SASH1: variants seen among roughly 807,000 people sequenced by gnomAD.
The protein encoded by SASH1 is SAM and SH3 domain-containing protein 1.
SASH1 carries 44 observed loss-of-function variants against 125.2 expected under a neutral mutation model. The observed-to-expected ratio is 0.35, with a 90% confidence interval of 0.28 to 0.45. The LOEUF (loss-of-function observed/expected upper bound fraction) is 0.45. SASH1 is among the 20% of genes least tolerant of loss of function. The probability of loss-of-function intolerance (pLI) is 1.00; values close to 1 mark genes in which losing one functional copy is unlikely to be tolerated. For missense variants in SASH1, 1,426 were observed against 1,614.5 expected (o/e 0.88, Z 2.00); for synonymous variants, 639 against 649.1 (o/e 0.98, Z 0.24).
At chr6:148,522,149 G>A (rs1408944906) in intron 10 of SASH1, among the ~76,000 whole-genome samples, 1 of 152,170 alleles carries the variant, frequency 6.6e-6, no homozygotes, top group Non-Finnish European at 1.5e-5. Context: ...ATCAGTCTGA[G>A]GCTGAGTATT....
At chr6:148,311,193 G>A (rs1249840521) in intron 1 of SASH1, among the ~76,000 whole-genome samples, 2 of 151,050 alleles carry the variant, frequency 1.3e-5, no homozygotes, top group Non-Finnish European at 1.5e-5. Flanking sequence ...TGCAACATCT[G>A]CCTCCCAGGT....
intron 1 of SASH1, among the ~76,000 whole-genome samples, chr6:148,375,833 A>G (rs1014312980): frequency 6.6e-6 from 1 of 152,166 alleles, no homozygotes; most frequent in African/African-American, 2.4e-5. Context: ...GGATGAACGC[A>G]ACAGAGTTCC....
At chr6:148,423,744 A>C (rs1775679109) in intron 2 of SASH1, among the ~76,000 whole-genome samples, 1 of 152,174 alleles carries the variant, frequency 6.6e-6, no homozygotes, top group Non-Finnish European at 1.5e-5. Context: ...CAGCACGTCA[A>C]CTGAGTACAA....
chr6:148,288,596 A>C (rs1435334080), intron 1 of SASH1, among the ~76,000 whole-genome samples: 1 of 152,062 alleles, frequency 6.6e-6, no homozygotes, highest in Non-Finnish European at 1.5e-5. Flanking sequence ...TCCTGACTTC[A>C]AGAATATGTG....
the SASH1 span, among the ~76,000 whole-genome samples, chr6:148,220,557 T>C: frequency 1.3e-5 from 2 of 152,104 alleles, no homozygotes; most frequent in Non-Finnish European, 2.9e-5. Context: ...AACTAGTAGT[T>C]GTGGGAATAG....
chr6:148,337,827 T>C (rs1381624220), intron 1 of SASH1, among the ~76,000 whole-genome samples: 3 of 152,214 alleles, frequency 2.0e-5, no homozygotes, highest in Admixed American at 6.5e-5. Flanking sequence ...ATGAATGCAT[T>C]ATGGTGATAG....
At position 148,529,337 on chromosome 6, in the gene SASH1, G is replaced by A. The variant is rs1486972941; in HGVS notation, c.1428+1741G>A. 1.3e-5 allele frequency among the ~76,000 whole-genome samples: 2 copies of A among 152,212 alleles called. No individual in the cohort carries two copies. Among genetic ancestry groups the A allele is most frequent in the African/African-American group, 2.4e-5 (1 of 41,452 alleles). ...TGATCAGTGCTCAGGCTGAGAAACC[G>A]TGGCTTGTTAGACCTGCAGGAGATA... On this transcript the variant is annotated intron_variant, in intron 12 of 19. Transcript: ENST00000367467. This position sits in a 1 kb window ranked among gnomAD's most constrained non-coding sequence, Gnocchi z 4.2.
chr6:148,265,363 C>CGGAG, the SASH1 span, among the ~76,000 whole-genome samples: 3 of 126,908 alleles, frequency 2.4e-5, no homozygotes, highest in East Asian at 2.8e-4. Flanking sequence ...GAAGGAGGGA[C>CGGAG]GGAGGGAGGG....
chr6:148,420,239 G>C (rs1242841545), intron 2 of SASH1, among the ~76,000 whole-genome samples: 1 of 152,140 alleles, frequency 6.6e-6, no homozygotes, highest in Non-Finnish European at 1.5e-5. Flanking sequence ...GATCAAATCT[G>C]ACTCTGGGTC....
intron 1 of SASH1, among the ~76,000 whole-genome samples, chr6:148,380,462 A>T (rs1386452360): frequency 6.6e-6 from 1 of 152,234 alleles, no homozygotes; most frequent in Admixed American, 6.5e-5. Context: ...GAGAAAACCC[A>T]GTGTGATTCA....
intron 1 of SASH1, among the ~76,000 whole-genome samples, chr6:148,294,674 C>T (rs2493928): frequency 0.077 from 11,705 of 152,200 alleles, 584 homozygotes; most frequent in African/African-American, 0.15. Flanking sequence ...ACCTGATAAA[C>T]GGCAGTGTGG....
the SASH1 span, among the ~76,000 whole-genome samples, chr6:148,261,259 C>T: frequency 6.6e-6 from 1 of 152,194 alleles, no homozygotes; most frequent in Non-Finnish European, 1.5e-5. Context: ...ATCCAAACAG[C>T]CTCTCCTCAT....
Position 148,549,535 on chromosome 6 carries a change from C to CA in SASH1, c.*981dup. ...CTTGGAATCCTGACCATGTCCATCC[C>CA]AAAATTCAGTCCTCAGTTAACGGAT... On this transcript the variant is annotated 3_prime_UTR_variant, in exon 20 of 20. Transcript: ENST00000367467. 2.5e-6 allele frequency: 1 copy of CA among 398,770 alleles called. No homozygotes were observed. The highest frequency in any genetic ancestry group is 3.6e-5 in the East Asian group (1 of 28,076). 24.7% of individuals were successfully genotyped at this position (398,770 alleles called of 1,614,324 possible). A position where few individuals can be genotyped will look rare whatever the true frequency, so the allele number is the denominator to read the frequency against.
chr6:148,319,499 G>A (rs1381066164), intron 1 of SASH1, among the ~76,000 whole-genome samples: 7 of 151,834 alleles, frequency 4.6e-5, no homozygotes, highest in Admixed American at 4.6e-4. Context: ...ATATGTATAA[G>A]ATTTTTGTTT....
chr6:148,197,516 C>T, the SASH1 span, among the ~76,000 whole-genome samples: 7 of 152,216 alleles, frequency 4.6e-5, no homozygotes, highest in Admixed American at 4.6e-4. Flanking sequence ...CAGTCCCCAT[C>T]CTGAGAGTTC....
the SASH1 span, among the ~76,000 whole-genome samples, chr6:148,250,264 C>T: frequency 6.6e-6 from 1 of 152,154 alleles, no homozygotes; most frequent in Non-Finnish European, 1.5e-5. Flanking sequence ...CGGAAGCATT[C>T]ATCTTTTCCT....
At chr6:148,262,833 A>C in the SASH1 span, among the ~76,000 whole-genome samples, 1 of 152,218 alleles carries the variant, frequency 6.6e-6, no homozygotes, top group Non-Finnish European at 1.5e-5. Context: ...CAGTGAGCCA[A>C]GTGCGCTCCA....
At chr6:148,323,379 C>G (rs1780706132) in intron 1 of SASH1, among the ~76,000 whole-genome samples, 1 of 152,204 alleles carries the variant, frequency 6.6e-6, no homozygotes, top group African/African-American at 2.4e-5. Flanking sequence ...TGACATAGTT[C>G]TAGCTAGGGC....
chr6:148,542,623 G>A (rs192364167), intron 17 of SASH1, among the ~76,000 whole-genome samples: 21 of 152,248 alleles, frequency 1.4e-4, no homozygotes, highest in African/African-American at 4.3e-4. Flanking sequence ...TCCTGACCTC[G>A]TGATCCACCT....
Sources: allele counts gnomAD v4.1 joint callset (sites outside exome capture counted in the v4.1 genomes callset), GRCh38; gene constraint gnomAD v4.1.1; non-coding constraint Gnocchi (gnomAD v3.1); transcripts MANE v1.5; gene names NCBI Gene and HGNC (gene_info 2026-07-23, HGNC 2026-07-21).